ABI3BP: variants seen among roughly 807,000 people sequenced by gnomAD.
The protein encoded by ABI3BP is ABI family member 3 binding protein.
Under a neutral mutation model 268.6 loss-of-function variants are expected in ABI3BP, and 216 were observed. The ratio of observed to expected loss-of-function variants is 0.80; its 90% CI spans 0.72 to 0.90. ABI3BP has a LOEUF of 0.90. Ranked by LOEUF, ABI3BP falls within the 40% of genes least tolerant of loss-of-function variation. The pLI, the probability that ABI3BP is intolerant of heterozygous loss-of-function variation, is 0.00. For missense variants in ABI3BP, 2,090 were observed against 2,182.4 expected, an observed-to-expected ratio of 0.96 and a Z score of 0.84; for synonymous variants, 730 against 730.0, an observed-to-expected ratio of 1.00 and a Z score of 0.00.
At chr3:100,941,126 A>G (rs2068995780) in intron 1 of ABI3BP, among the ~76,000 whole-genome samples, 2 of 151,718 alleles carry the variant, frequency 1.3e-5, no homozygotes, top group Non-Finnish European at 2.9e-5. Context: ...GGCTTTTTAA[A>G]AAAATCAAAA....
chr3:100,883,050 T>C (rs2040201764), intron 6 of ABI3BP, among the ~76,000 whole-genome samples: 1 of 152,084 alleles, frequency 6.6e-6, no homozygotes, highest in Non-Finnish European at 1.5e-5. Context: ...TGAAGGGAAC[T>C]TAGGGAGAGG....
intron 20 of ABI3BP, among the ~76,000 whole-genome samples, chr3:100,842,733 T>C (rs2098720701): frequency 6.6e-6 from 1 of 152,156 alleles, no homozygotes; most frequent in Non-Finnish European, 1.5e-5. Context: ...TAAATTAAAC[T>C]TCATGTTGAA....
At position 100,787,784 on chromosome 3, in the gene ABI3BP, G is replaced by T. The variant is rs1375608986; in HGVS notation, c.4106C>A (p.Thr1369Lys). 5.9e-6 allele frequency: 9 copies of T among 1,530,786 alleles called. No individual in the cohort carries two copies. Among genetic ancestry groups the T allele is most frequent in the Non-Finnish European group, 7.9e-6 (9 of 1,144,236 alleles). 94.8% of individuals were successfully genotyped at this position (1,530,786 alleles called of 1,614,324 possible). A position where few individuals can be genotyped will look rare whatever the true frequency, so the allele number is the denominator to read the frequency against. ...ACTGGGTTTGGGCCTAGTAGGTCTT[G>T]TAGTTGTCCTATTCAGAACTAAAAT... ...HIRPVLNRTT[T>K]RPTRPKPSGM... Residue 1369 changes from threonine to lysine, a missense_variant, in exon 57 of 68, where the codon ACA becomes AAA. Thr to Lys is a moderately conservative substitution (Grantham distance 78). Transcript: ENST00000471714.
Position 100,902,677 on chromosome 3 carries a change from G to A in ABI3BP, c.269C>T (p.Pro90Leu), listed in dbSNP as rs371217355. 9.3e-6 allele frequency: 15 copies of A among 1,613,602 alleles called. No individual in the cohort carries two copies. Among genetic ancestry groups the A allele is most frequent in the Admixed American group, 3.3e-5 (2 of 59,996 alleles). The change falls in exon 3 of 68, where the codon CCG (proline) becomes CTG (leucine). Residue 90 changes from proline to leucine, a missense_variant. Coordinates refer to ENST00000471714, the MANE Select transcript of ABI3BP (RefSeq NM_001375547.2). ...KFTEAIVDAE[P>L]KYLIVVRPAP... ...AGGTCGCACAACTATCAGATATTTC[G>A]GCTCTGCATCTGGAAGCAATAACAT...
intron 50 of ABI3BP, among the ~76,000 whole-genome samples, chr3:100,807,592 C>T (rs537422818): frequency 6.6e-6 from 1 of 151,932 alleles, no homozygotes; most frequent in Non-Finnish European, 1.5e-5. Flanking sequence ...ACAAGAATGA[C>T]AGTACCTAAT....
At chr3:100,900,589 G>C (rs1169997095) in intron 3 of ABI3BP, among the ~76,000 whole-genome samples, 1 of 151,684 alleles carries the variant, frequency 6.6e-6, no homozygotes, top group East Asian at 1.9e-4. Flanking sequence ...TATGACCAAG[G>C]GAAACTAATG....
chr3:100,785,357 A>T (rs1031120419), intron 57 of ABI3BP, among the ~76,000 whole-genome samples: 2 of 152,176 alleles, frequency 1.3e-5, no homozygotes, highest in Admixed American at 6.6e-5. Context: ...GCATTTCTAT[A>T]AAGAAGTCTG....
intron 27 of ABI3BP, 116 bp from the exon 28 acceptor site, chr3:100,835,776 G>A: frequency 3.5e-6 from 3 of 851,396 alleles, no homozygotes; most frequent in Non-Finnish European, 5.3e-6. Flanking sequence ...TGAACTCTGG[G>A]AAAATAGTAT....
At chr3:100,834,262 A>C (rs748153764) in intron 29 of ABI3BP, among the ~76,000 whole-genome samples, 81 of 152,194 alleles carry the variant, frequency 5.3e-4, no homozygotes, top group Non-Finnish European at 8.8e-4. Context: ...AATTTAATAA[A>C]TATTTGCTTT....
intron 55 of ABI3BP, among the ~76,000 whole-genome samples, chr3:100,790,132 T>G (rs2152025312): frequency 6.6e-6 from 1 of 152,052 alleles, no homozygotes; most frequent in Non-Finnish European, 1.5e-5. Context: ...GAGCAAGAAC[T>G]CAGATAATCC....
intron 20 of ABI3BP, chr3:100,843,515 G>A (rs2098731397): frequency 1.1e-6 from 1 of 946,206 alleles, no homozygotes; most frequent in Non-Finnish European, 1.2e-6. Flanking sequence ...GAGGGAGGGA[G>A]AGGATGTGTG....
chr3:100,984,791 T>C (rs2091068260), intron 1 of ABI3BP, among the ~76,000 whole-genome samples: 1 of 152,098 alleles, frequency 6.6e-6, no homozygotes, highest in Non-Finnish European at 1.5e-5. Flanking sequence ...GAAGCCAGCC[T>C]TTCCTACCAT....
At chr3:100,858,557 G>C (rs2098963202) in intron 14 of ABI3BP, among the ~76,000 whole-genome samples, 1 of 152,162 alleles carries the variant, frequency 6.6e-6, no homozygotes, top group South Asian at 2.1e-4. Flanking sequence ...CACATATTCT[G>C]ATTTGCTGAT....
At chr3:100,939,786 G>C (rs1488782148) in intron 1 of ABI3BP, among the ~76,000 whole-genome samples, 1 of 151,962 alleles carries the variant, frequency 6.6e-6, no homozygotes, top group Admixed American at 6.6e-5. Flanking sequence ...AATTTATTAG[G>C]TGCGAATTTC....
At chr3:100,751,787 A>G in intron 66 of ABI3BP, 113 bp from the exon 67 acceptor site, 2 of 1,047,822 alleles carry the variant, frequency 1.9e-6, no homozygotes, top group South Asian at 4.4e-5. Context: ...CTATTACCCT[A>G]GTTCAAACCA....
Position 100,850,079 on chromosome 3 carries a change from G to A in ABI3BP, c.1467C>T (p.Ile489=), listed in dbSNP as rs373820577. The A allele has an allele frequency of 8.3e-5, 133 of 1,611,328 alleles. No homozygotes were observed. The highest frequency in any genetic ancestry group is 9.8e-5 in the Non-Finnish European group (116 of 1,178,906). The part of the protein sequence containing the change: ...ETPFVPQKLE[I]FTSPEMQPTT... ...TAGGCTGCATTTCTGGACTGGTAAA[G>A]ATTTCCAGTTTTTGAGGAACAAATG... The change falls in exon 17 of 68, where the codon ATC becomes ATT. Residue 489 remains isoleucine, a synonymous_variant. Coordinates refer to ENST00000471714, the MANE Select transcript of ABI3BP (RefSeq NM_001375547.2).
intron 20 of ABI3BP, chr3:100,843,801 C>T (rs2098737249): frequency 2.0e-6 from 2 of 984,962 alleles, no homozygotes; most frequent in Non-Finnish European, 2.4e-6. Flanking sequence ...TATTTTGAAA[C>T]TTCAAGATTG....
chr3:100,932,738 C>T (rs986815899), intron 1 of ABI3BP, among the ~76,000 whole-genome samples: 4 of 152,100 alleles, frequency 2.6e-5, no homozygotes, highest in African/African-American at 9.7e-5. Flanking sequence ...AATGTTTACA[C>T]ACTGCTAGTG....
At chr3:100,941,659 T>A (rs2069316772) in intron 1 of ABI3BP, among the ~76,000 whole-genome samples, 1 of 152,116 alleles carries the variant, frequency 6.6e-6, no homozygotes. Context: ...GATGACTGAA[T>A]GAGACAGACT....
Sources: allele counts gnomAD v4.1 joint callset (sites outside exome capture counted in the v4.1 genomes callset), GRCh38; gene constraint gnomAD v4.1.1; transcripts MANE v1.5; gene names NCBI Gene and HGNC (gene_info 2026-07-23, HGNC 2026-07-21).